CFAP47: variants seen among roughly 807,000 people sequenced by gnomAD.
CFAP47 encodes cilia and flagella associated protein 47.
CFAP47 carries 29 observed loss-of-function variants against 148.1 expected under a neutral mutation model. The observed-to-expected ratio is 0.20, with a 90% CI of 0.15 to 0.27. CFAP47 has a LOEUF of 0.27. Among genes scored for constraint, CFAP47 ranks in the 10% least tolerant of loss-of-function variants. The pLI is 1.00. For synonymous variants in CFAP47, 664 were observed against 577.3 expected (o/e 1.15, Z -2.15); for missense variants, 1,872 against 1,697.5 (o/e 1.10, Z -1.81).
intron 25 of CFAP47, among the ~76,000 whole-genome samples, chrX:36,040,119 C>T (rs767819662): frequency 9.0e-6 from 1 of 111,196 alleles, no homozygotes; most frequent in African/African-American, 3.3e-5. Context: ...CTGAAAAGCA[C>T]CAAAGTGAAA....
intron 57 of CFAP47, among the ~76,000 whole-genome samples, chrX:36,326,037 C>A (rs1257751564): frequency 2.7e-5 from 3 of 111,035 alleles, no homozygotes; most frequent in Non-Finnish European, 3.8e-5. Flanking sequence ...TAAAGCCATA[C>A]ATTTTTTCAT....
In CFAP47 at chrX:36,070,641, G is replaced by A. The variant is rs1357326068; in HGVS notation, c.4319-1184G>A. On this transcript the variant is annotated intron_variant, in intron 27 of 63. Coordinates refer to ENST00000378653, the MANE Select transcript of CFAP47 (RefSeq NM_001304548.2). ...CGAGTAGCTGGGACTATAGGCACGC[G>A]CCACCACACCTGGCTAATTTTTGTA... 3.7e-5 allele frequency among the ~76,000 whole-genome samples: 4 copies of A among 109,440 alleles called. No homozygotes were observed. In the East Asian group the frequency reaches 1.2e-3, roughly 32 times the overall value.
chrX:36,311,912 CT>C (rs1941397039), intron 56 of CFAP47, among the ~76,000 whole-genome samples: 2 of 110,873 alleles, frequency 1.8e-5, no homozygotes, highest in Admixed American at 2.0e-4. Flanking sequence ...TCTTCATCTT[CT>C]TGGAATGAAA....
chrX:35,973,387 C>T (rs113113356), intron 13 of CFAP47, among the ~76,000 whole-genome samples: 10,583 of 110,377 alleles, frequency 0.096, 1,294 homozygotes, highest in African/African-American at 0.33. Flanking sequence ...GACGGGGTTT[C>T]ACTGTGTTAG....
chrX:35,985,702 A>G (rs1936704778), intron 15 of CFAP47, among the ~76,000 whole-genome samples: 1 of 111,668 alleles, frequency 9.0e-6, no homozygotes, highest in African/African-American at 3.3e-5. Flanking sequence ...CTCAGATCAG[A>G]CTAGTCCTGT....
At position 36,354,244 on chromosome X, in the gene CFAP47, G is replaced by A. The variant is rs1941766883; in HGVS notation, c.8851+563G>A. ...CGCCTGTAATCCCAGCACTTTGGGA[G>A]GTCAAGGCGGGAGGATCACGAGGTC... On this transcript the variant is annotated intron_variant, in intron 60 of 63. Coordinates refer to ENST00000378653, the MANE Select transcript of CFAP47 (RefSeq NM_001304548.2). Among the ~76,000 whole-genome samples, 4 of 110,925 alleles carry A rather than the reference G, an allele frequency of 3.6e-5. No homozygotes were observed. In the South Asian group the frequency reaches 1.5e-3, roughly 43 times the overall value.
intron 45 of CFAP47, among the ~76,000 whole-genome samples, chrX:36,213,021 G>A (rs1366480549): frequency 9.0e-6 from 1 of 111,183 alleles, no homozygotes; most frequent in African/African-American, 3.3e-5. Context: ...GCTGAAACAC[G>A]AGAATTTCTT....
rs182639848 is a variant in CFAP47 at position 36,020,420 on chromosome X, C to T, written c.3556+5508C>T. On this transcript the variant is annotated intron_variant, in intron 22 of 63. Transcript: ENST00000378653. The stretch of plus-strand genomic sequence containing the variant: ...TTCTGTTTGGGAGATCTGTCCAATG[C>T]TGAAAGTGGAGTGTTGAAGACTCTA... Among the ~76,000 whole-genome samples the T allele has an allele frequency of 6.3e-3, 699 of 111,812 alleles. 4 individuals are homozygous for T. Among genetic ancestry groups the T allele is most frequent in the African/African-American group, 0.02 (623 of 30,773 alleles).
intron 50 of CFAP47, among the ~76,000 whole-genome samples, chrX:36,282,771 C>T (rs1266109272): frequency 9.0e-6 from 1 of 111,641 alleles, no homozygotes; most frequent in Admixed American, 9.5e-5. Flanking sequence ...GATGCAATTG[C>T]ATGCATTACA....
At chrX:36,287,479 A>G (rs1941145957) in intron 51 of CFAP47, among the ~76,000 whole-genome samples, 1 of 111,959 alleles carries the variant, frequency 8.9e-6, no homozygotes, top group Non-Finnish European at 1.9e-5. Flanking sequence ...TCATAAATAT[A>G]CTTAAATGAT....
rs183830175 is a variant in CFAP47 at position 36,334,861 on chromosome X, C to G, written c.8444-13268C>G. Among the ~76,000 whole-genome samples, 6 of 110,161 alleles carry G rather than the reference C, an allele frequency of 5.4e-5. No individual in the cohort carries two copies. The East Asian group carries it at 1.7e-3, about 32-fold the overall frequency. On this transcript the variant is annotated intron_variant, in intron 57 of 63. Transcript: ENST00000378653. ...TTCTTTTGCTTGTGCCTTTTGATCTCAAATACTCTAAAAATGTTGGAGTAT... is the reference window on the plus strand; with the variant it reads ...TTCTTTTGCTTGTGCCTTTTGATCTGAAATACTCTAAAAATGTTGGAGTAT...
intron 40 of CFAP47, among the ~76,000 whole-genome samples, chrX:36,181,431 G>A (rs1403828543): frequency 1.8e-5 from 2 of 111,252 alleles, no homozygotes; most frequent in African/African-American, 6.5e-5. Context: ...ATTTTTCCAG[G>A]AAAGGAAACC....
intron 38 of CFAP47, 146 bp downstream of exon 38, chrX:36,159,722 A>C (rs1434641601): frequency 3.6e-6 from 1 of 278,703 alleles, no homozygotes; most frequent in African/African-American, 2.8e-5. Context: ...AAGTTAAAGC[A>C]GTTCTGGGCC....
At chrX:36,222,777 G>A (rs1409127359) in intron 45 of CFAP47, among the ~76,000 whole-genome samples, 3 of 110,476 alleles carry the variant, frequency 2.7e-5, no homozygotes, top group Non-Finnish European at 5.7e-5. Context: ...CAGAGTATTT[G>A]TGATTCAGAT....
At position 36,175,372 on chromosome X, in the gene CFAP47, G is replaced by A. The variant is rs750096191; in HGVS notation, c.6027-3973G>A. Among the ~76,000 whole-genome samples, 19 of 111,970 alleles carry A rather than the reference G, an allele frequency of 1.7e-4. No individual in the cohort carries two copies. In the East Asian group the frequency reaches 3.4e-3, roughly 20 times the overall value. ...TGCGTTCCTTTGGAGGAGGAGAGGC[G>A]CTCTGCTTTTTAGAGTTTCCAGTTT... On this transcript the variant is annotated intron_variant, in intron 39 of 63. Coordinates refer to ENST00000378653, the MANE Select transcript of CFAP47 (RefSeq NM_001304548.2).
intron 48 of CFAP47, among the ~76,000 whole-genome samples, chrX:36,238,756 G>C (rs886780171): frequency 2.7e-5 from 3 of 111,574 alleles, no homozygotes; most frequent in African/African-American, 9.8e-5. Flanking sequence ...CAAGTTTCAC[G>C]CATCAAAAGC....
intron 51 of CFAP47, among the ~76,000 whole-genome samples, chrX:36,290,910 G>A (rs1318994548): frequency 1.8e-5 from 2 of 112,232 alleles, no homozygotes; most frequent in African/African-American, 6.5e-5. Flanking sequence ...TATTAACACT[G>A]GCTAGGCAGA....
intron 30 of CFAP47, among the ~76,000 whole-genome samples, chrX:36,095,787 T>C (rs1938265744): frequency 8.9e-6 from 1 of 111,851 alleles, no homozygotes; most frequent in Non-Finnish European, 1.9e-5. Context: ...TAAAGGTTTG[T>C]CAACTTTGTT....
intron 35 of CFAP47, among the ~76,000 whole-genome samples, chrX:36,138,897 A>G: frequency 9.0e-6 from 1 of 111,221 alleles, no homozygotes; most frequent in Non-Finnish European, 1.9e-5. Flanking sequence ...ATACGTTTTA[A>G]TTGTATGTTG....
Sources: allele counts gnomAD v4.1 joint callset (sites outside exome capture counted in the v4.1 genomes callset), GRCh38; gene constraint gnomAD v4.1.1; transcripts MANE v1.5; gene names NCBI Gene and HGNC (gene_info 2026-07-23, HGNC 2026-07-21).